The following SLC25A12 variants were observed in gnomAD, a reference collection of about 807,000 sequenced individuals.
SLC25A12 encodes solute carrier family 25 member 12, also known as electrogenic aspartate/glutamate antiporter SLC25A12, mitochondrial.
A neutral mutation model predicts 83.3 loss-of-function variants in SLC25A12; 32 were observed. That is an observed-to-expected ratio of 0.38 (90% CI 0.29 to 0.52). The LOEUF (loss-of-function observed/expected upper bound fraction) is 0.52. Ranked by LOEUF, SLC25A12 falls within the 20% of genes least tolerant of loss-of-function variation. The pLI, the probability that SLC25A12 is intolerant of heterozygous loss-of-function variation, is 0.84. For missense variants in SLC25A12, 611 were observed against 835.6 expected, an observed-to-expected ratio of 0.73 and a Z score of 3.31; for synonymous variants, 267 against 291.1, an observed-to-expected ratio of 0.92 and a Z score of 0.84.
In SLC25A12 at chr2:171,793,771, T is replaced by C; in HGVS notation, c.1306-4A>G. The C allele has an allele frequency of 2.5e-6, 4 of 1,614,086 alleles. No homozygotes were observed. Among genetic ancestry groups the C allele is most frequent in the Non-Finnish European group, 3.4e-6 (4 of 1,180,006 alleles). ...AAATGACCTGAGAGCCTCCAGCCTGTAGGCAAGGGAGAAGAGACAGGCAGA... is the reference window on the plus strand; with the variant it reads ...AAATGACCTGAGAGCCTCCAGCCTGCAGGCAAGGGAGAAGAGACAGGCAGA... On this transcript the variant is annotated splice_region_variant and splice_polypyrimidine_tract_variant and intron_variant, in intron 13 of 17. Coordinates refer to ENST00000422440, the MANE Select transcript of SLC25A12 (RefSeq NM_003705.5).
intron 2 of SLC25A12, chr2:171,871,765 C>G: frequency 1.0e-6 from 1 of 983,678 alleles, no homozygotes; most frequent in Non-Finnish European, 1.2e-6. Flanking sequence ...TAGTATTGTT[C>G]CATGGCTTGC....
intron 7 of SLC25A12, chr2:171,834,380 C>T: frequency 2.3e-6 from 1 of 427,130 alleles, no homozygotes; most frequent in Non-Finnish European, 4.2e-6. Context: ...GGGTGTTCTC[C>T]AGTCATTCAA....
chr2:171,892,848 G>GC (rs1685972333), intron 2 of SLC25A12, among the ~76,000 whole-genome samples: 2 of 152,092 alleles, frequency 1.3e-5, no homozygotes, highest in South Asian at 4.1e-4. Flanking sequence ...TTGTAAACAT[G>GC]CAACTTTCAA....
chr2:171,862,721 A>T (rs974808230), intron 3 of SLC25A12, among the ~76,000 whole-genome samples: 1 of 152,234 alleles, frequency 6.6e-6, no homozygotes, highest in African/African-American at 2.4e-5. Context: ...GGTTATAAGC[A>T]ATATTATATG....
intron 13 of SLC25A12, among the ~76,000 whole-genome samples, chr2:171,796,580 G>T (rs1048870307): frequency 2.6e-5 from 4 of 152,028 alleles, no homozygotes; most frequent in Non-Finnish European, 5.9e-5. Flanking sequence ...GAGGCAGGAG[G>T]ATTACTTGAG....
intron 11 of SLC25A12, among the ~76,000 whole-genome samples, chr2:171,812,089 A>G (rs1352179673): frequency 1.3e-5 from 2 of 152,186 alleles, no homozygotes; most frequent in Non-Finnish European, 2.9e-5. Flanking sequence ...TGGAATTCAA[A>G]GAGACTACAG....
intron 9 of SLC25A12, among the ~76,000 whole-genome samples, chr2:171,817,176 T>C (rs1162886368): frequency 6.6e-6 from 1 of 152,158 alleles, no homozygotes; most frequent in African/African-American, 2.4e-5. Flanking sequence ...AAATAAATGT[T>C]TGCTATCTAA....
At position 171,855,854 on chromosome 2, in the gene SLC25A12, C is replaced by G. The variant is rs1004810008; in HGVS notation, c.305G>C (p.Gly102Ala). 9 of 1,608,546 alleles carry G rather than the reference C, an allele frequency of 5.6e-6. No homozygotes were observed. Among genetic ancestry groups the G allele is most frequent in the African/African-American group, 1.3e-5 (1 of 74,920 alleles). ...IVAFQLFDKS[G>A]NGEVTFENVK... ...CTTACCAAATGTCACCTCTCCATTT[C>G]CACTCTTGTCAAACAACTGGAAAGC... The change falls in exon 4 of 18, where the codon GGA becomes GCA. Residue 102 changes from glycine (G) to alanine (A), a missense_variant. Gly to Ala is a moderately conservative substitution (Grantham distance 60). Coordinates refer to ENST00000422440, the MANE Select transcript of SLC25A12 (RefSeq NM_003705.5).
intron 3 of SLC25A12, among the ~76,000 whole-genome samples, chr2:171,868,125 G>T (rs557050074): frequency 6.6e-6 from 1 of 152,050 alleles, no homozygotes; most frequent in South Asian, 2.1e-4. Flanking sequence ...GATCACAGGC[G>T]TGAGCCACCG....
At chr2:171,799,673 T>C (rs972656375) in intron 13 of SLC25A12, among the ~76,000 whole-genome samples, 2 of 152,190 alleles carry the variant, frequency 1.3e-5, no homozygotes, top group African/African-American at 2.4e-5. Flanking sequence ...TAGATCGTCA[T>C]AGATTTTGCA....
At position 171,818,786 on chromosome 2, in the gene SLC25A12, G is replaced by A. The variant is rs986902004; in HGVS notation, c.931-3584C>T. ...AAGTCAAACCTGCCCAAACCACACTGCCAACTCAATAGGGAGAACTACCTC... is the reference window on the plus strand; with the variant it reads ...AAGTCAAACCTGCCCAAACCACACTACCAACTCAATAGGGAGAACTACCTC... On this transcript the variant is annotated intron_variant, in intron 9 of 17. Transcript: ENST00000422440. Among the ~76,000 whole-genome samples the A allele has an allele frequency of 3.3e-5, 5 of 151,846 alleles. No homozygotes were observed. The East Asian group carries it at 9.7e-4, about 29-fold the overall frequency.
chr2:171,852,536 CAGA>C, intron 4 of SLC25A12: 1 of 324,782 alleles, frequency 3.1e-6, no homozygotes, highest in Non-Finnish European at 6.1e-6. Context: ...AACTAGAAAA[CAGA>C]AGGCCATTTG....
chr2:171,859,783 C>T (rs575091763), intron 3 of SLC25A12, among the ~76,000 whole-genome samples: 27 of 151,048 alleles, frequency 1.8e-4, no homozygotes, highest in Admixed American at 1.1e-3. Context: ...TTTTTTGAGA[C>T]GGAGTTTTGC....
intron 13 of SLC25A12, among the ~76,000 whole-genome samples, chr2:171,803,876 T>G (rs1239461138): frequency 6.6e-6 from 1 of 151,852 alleles, no homozygotes; most frequent in African/African-American, 2.4e-5. Context: ...AATCAGAAGC[T>G]TCACACTACT....
At chr2:171,816,177 C>T (rs772843860) in intron 9 of SLC25A12, among the ~76,000 whole-genome samples, 2 of 150,342 alleles carry the variant, frequency 1.3e-5, no homozygotes, top group Non-Finnish European at 2.9e-5. Flanking sequence ...GCCATCCCAA[C>T]GACTCAGCCT....
intron 2 of SLC25A12, among the ~76,000 whole-genome samples, chr2:171,873,396 C>G (rs1244903900): frequency 1.3e-5 from 2 of 151,968 alleles, no homozygotes; most frequent in Admixed American, 1.3e-4. Flanking sequence ...TGCAGTGACC[C>G]AAGATAGCAC....
rs766599659 is a variant in SLC25A12, at chr2:171,793,780, G to A, written c.1306-13C>T. Reference sequence around the variant, plus strand: ...GAGAGCCTCCAGCCTGTAGGCAAGGGAGAAGAGACAGGCAGATTCCACATC... The same window carrying A: ...GAGAGCCTCCAGCCTGTAGGCAAGGAAGAAGAGACAGGCAGATTCCACATC... On this transcript the variant is annotated splice_polypyrimidine_tract_variant and intron_variant, in intron 13 of 17. Transcript: ENST00000422440. The A allele has an allele frequency of 9.9e-6, 16 of 1,614,092 alleles. No homozygotes were observed. The highest frequency in any genetic ancestry group is 2.2e-5 in the South Asian group (2 of 91,074).
chr2:171,805,365 C>T (rs1458650915), intron 13 of SLC25A12, among the ~76,000 whole-genome samples: 4 of 152,128 alleles, frequency 2.6e-5, no homozygotes, highest in Non-Finnish European at 5.9e-5. Flanking sequence ...CTTGCTTCGG[C>T]CTCCCAAAGT....
rs750526230 is a variant in SLC25A12 at position 171,813,379 on chromosome 2, C to T, written c.1131G>A (p.Lys377=). The change falls in exon 11 of 18, where the codon AAG becomes AAA. Residue 377 remains lysine (K), a synonymous_variant. Coordinates refer to ENST00000422440, the MANE Select transcript of SLC25A12 (RefSeq NM_003705.5). The part of the protein sequence containing the change: ...LMYKNSFDCF[K]KVLRYEGFFG... Reference sequence around the variant, plus strand: ...AGAAGCCCTCATAACGCAAGACTTTCTTAAAACAGTCAAAGCTGTTTTTGT... The same window carrying T: ...AGAAGCCCTCATAACGCAAGACTTTTTTAAAACAGTCAAAGCTGTTTTTGT... The T allele has an allele frequency of 1.2e-6, 2 of 1,614,100 alleles. No individual in the cohort carries two copies. The highest frequency in any genetic ancestry group is 1.1e-5 in the South Asian group (1 of 91,076).
Sources: allele counts gnomAD v4.1 joint callset (sites outside exome capture counted in the v4.1 genomes callset), GRCh38; gene constraint gnomAD v4.1.1; transcripts MANE v1.5; gene names NCBI Gene and HGNC (gene_info 2026-07-23, HGNC 2026-07-21).